CACNA2D3: variants seen among roughly 807,000 people sequenced by gnomAD.
CACNA2D3 encodes the protein voltage-dependent calcium channel subunit alpha-2/delta-3.
CACNA2D3 carries 60 observed loss-of-function variants against 160.6 expected under a neutral mutation model. The observed-to-expected ratio is 0.37, with a 90% CI of 0.30 to 0.46. The LOEUF (loss-of-function observed/expected upper bound fraction) is 0.46, where lower values mean the gene tolerates loss of function less well. Among genes scored for constraint, CACNA2D3 ranks in the 20% least tolerant of loss-of-function variants. The pLI is 1.00. For synonymous variants in CACNA2D3, 558 were observed against 492.9 expected (o/e 1.13, Z -1.75); for missense variants, 1,205 against 1,365.0 (o/e 0.88, Z 1.85).
chr3:54,311,974 C>T (rs541716821), intron 2 of CACNA2D3, among the ~76,000 whole-genome samples: 1 of 152,202 alleles, frequency 6.6e-6, no homozygotes, highest in South Asian at 2.1e-4. Flanking sequence ...AAAAAAGAAC[C>T]TTAGGGTGGG....
intron 35 of CACNA2D3, among the ~76,000 whole-genome samples, chr3:55,043,339 T>C (rs1703999434): frequency 1.4e-5 from 2 of 146,420 alleles, no homozygotes; most frequent in Non-Finnish European, 3.0e-5. Context: ...TCTTTCTTTC[T>C]TTCTTTCTTG....
At chr3:54,334,187 A>G (rs1230413696) in intron 3 of CACNA2D3, among the ~76,000 whole-genome samples, 1 of 151,930 alleles carries the variant, frequency 6.6e-6, no homozygotes, top group Non-Finnish European at 1.5e-5. Context: ...CCCGGGTTCA[A>G]GCAATTCTCA....
chr3:54,702,650 A>C (rs897897577), intron 11 of CACNA2D3, among the ~76,000 whole-genome samples: 1 of 152,214 alleles, frequency 6.6e-6, no homozygotes, highest in South Asian at 2.1e-4. Context: ...GTCTGAAAGT[A>C]GTTTAGCCAC....
At chr3:54,288,771 C>T (rs1272964241) in intron 2 of CACNA2D3, among the ~76,000 whole-genome samples, 23 of 152,092 alleles carry the variant, frequency 1.5e-4, no homozygotes, top group African/African-American at 4.1e-4. Flanking sequence ...GTTCAATATA[C>T]GCAAATCAAT....
At chr3:54,437,243 G>A (rs1331119128) in intron 4 of CACNA2D3, among the ~76,000 whole-genome samples, 2 of 152,090 alleles carry the variant, frequency 1.3e-5, no homozygotes, top group Non-Finnish European at 2.9e-5. Flanking sequence ...CCGTCGTAAC[G>A]ACTGTGTTTG....
At chr3:54,640,259 C>G (rs999135584) in intron 10 of CACNA2D3, among the ~76,000 whole-genome samples, 3 of 152,148 alleles carry the variant, frequency 2.0e-5, no homozygotes, top group Admixed American at 1.3e-4. Context: ...ATGTTTCATT[C>G]CTAGTGCTGT....
chr3:54,826,240 A>C (rs1703748063), intron 14 of CACNA2D3, among the ~76,000 whole-genome samples: 1 of 152,166 alleles, frequency 6.6e-6, no homozygotes, highest in Non-Finnish European at 1.5e-5. Context: ...ACCCAAATGT[A>C]GCCCACTTCC....
At chr3:54,217,002 G>C (rs1396553314) in intron 2 of CACNA2D3, among the ~76,000 whole-genome samples, 1 of 152,174 alleles carries the variant, frequency 6.6e-6, no homozygotes, top group African/African-American at 2.4e-5. Context: ...GTAAACTGAG[G>C]CAGCGAGTGC....
chr3:54,254,704 G>GTTGTTGTTACTA (rs147874903), intron 2 of CACNA2D3, among the ~76,000 whole-genome samples: 36,077 of 152,076 alleles, frequency 0.24, 4,461 homozygotes, highest in African/African-American at 0.31. Context: ...GAGTATTACT[G>GTTGTTGTTACTA]TTGTTACCAA....
chr3:54,634,097 C>T (rs1016150477), intron 10 of CACNA2D3, among the ~76,000 whole-genome samples: 6 of 152,172 alleles, frequency 3.9e-5, no homozygotes, highest in African/African-American at 1.4e-4. Flanking sequence ...TGTCTAAGTG[C>T]CTGAAGACTA....
chr3:54,348,605 G>A (rs73841992), intron 3 of CACNA2D3, among the ~76,000 whole-genome samples: 4,370 of 152,266 alleles, frequency 0.029, 214 homozygotes, highest in African/African-American at 0.1. Flanking sequence ...TTCTTTGGCC[G>A]TAACTCAAGT....
intron 2 of CACNA2D3, among the ~76,000 whole-genome samples, chr3:54,212,371 G>A (rs1274054973): frequency 6.6e-6 from 1 of 152,112 alleles, no homozygotes; most frequent in African/African-American, 2.4e-5. Flanking sequence ...CAGGTTATAG[G>A]TAGATTTAAA....
chr3:54,268,192 G>T (rs934323583), intron 2 of CACNA2D3, among the ~76,000 whole-genome samples: 2 of 152,158 alleles, frequency 1.3e-5, no homozygotes, highest in South Asian at 4.1e-4. Flanking sequence ...TAATGGGAAA[G>T]AAGCTACTGC....
chr3:54,875,410 C>G (rs1246003334), intron 18 of CACNA2D3: 1 of 152,246 alleles, frequency 6.6e-6, no homozygotes, highest in Non-Finnish European at 1.5e-5. Flanking sequence ...GCCAGCTTGT[C>G]TGTGGTTGCA....
intron 17 of CACNA2D3, among the ~76,000 whole-genome samples, chr3:54,852,413 AG>A (rs1358971705): frequency 6.6e-6 from 1 of 152,230 alleles, no homozygotes; most frequent in Non-Finnish European, 1.5e-5. Context: ...TTGATGCCAA[AG>A]CCATTTCTGT....
At chr3:54,294,591 C>A (rs878902299) in intron 2 of CACNA2D3, among the ~76,000 whole-genome samples, 1 of 152,164 alleles carries the variant, frequency 6.6e-6, no homozygotes, top group Non-Finnish European at 1.5e-5. Context: ...TTGTTCCCCA[C>A]GCTTTGCATG....
At chr3:54,406,770 GTGTAT>G (rs1699584271) in intron 4 of CACNA2D3, among the ~76,000 whole-genome samples, 1 of 152,060 alleles carries the variant, frequency 6.6e-6, no homozygotes, top group Non-Finnish European at 1.5e-5. Context: ...GTTAATAGTA[GTGTAT>G]TGTATTCCGG....
chr3:55,043,404 GA>G (rs1287659723), intron 35 of CACNA2D3, among the ~76,000 whole-genome samples: 1 of 146,844 alleles, frequency 6.8e-6, no homozygotes, highest in Non-Finnish European at 1.5e-5. Flanking sequence ...CTTCCATGAC[GA>G]ATAATGATTT....
At chr3:54,855,654 A>T (rs1699153076) in intron 17 of CACNA2D3, among the ~76,000 whole-genome samples, 1 of 152,200 alleles carries the variant, frequency 6.6e-6, no homozygotes, top group Non-Finnish European at 1.5e-5. Context: ...AAAAGGAAGA[A>T]TGAGAGACCC....
Sources: gnomAD v4.1 joint callset for allele counts (sites outside exome capture counted in the v4.1 genomes callset) on GRCh38, gnomAD v4.1.1 for gene constraint, MANE v1.5 for transcripts, NCBI Gene and HGNC (gene_info 2026-07-23, HGNC 2026-07-21) for gene names.